Variants in BTBD9 observed in about 807,000 individuals in gnomAD.
BTBD9 encodes the protein BTB/POZ domain-containing protein 9.
Under a neutral mutation model 64.3 loss-of-function variants are expected in BTBD9, and 49 were observed. That is an observed-to-expected ratio of 0.76 (90% CI 0.61 to 0.97). The LOEUF (loss-of-function observed/expected upper bound fraction) is 0.97. BTBD9 is among the 50% of genes least tolerant of loss of function. The pLI, the probability that BTBD9 is intolerant of heterozygous loss-of-function variation, is 0.00. For synonymous variants in BTBD9, 260 were observed against 274.7 expected (o/e 0.95, Z 0.53); for missense variants, 598 against 762.1 (o/e 0.78, Z 2.53).
intron 7 of BTBD9, among the ~76,000 whole-genome samples, chr6:38,302,997 T>C (rs963362560): frequency 6.6e-6 from 1 of 152,200 alleles, no homozygotes; most frequent in African/African-American, 2.4e-5. Context: ...ATTATTTATT[T>C]ATTTTGCCGT....
At chr6:38,561,414 T>C (rs1775258334) in intron 6 of BTBD9, among the ~76,000 whole-genome samples, 1 of 152,168 alleles carries the variant, frequency 6.6e-6, no homozygotes, top group Non-Finnish European at 1.5e-5. Context: ...AACTTAGAAC[T>C]ACCATTCAAT....
intron 6 of BTBD9, among the ~76,000 whole-genome samples, chr6:38,471,954 C>G (rs2127368631): frequency 6.6e-6 from 1 of 152,260 alleles, no homozygotes; most frequent in East Asian, 1.9e-4. Flanking sequence ...TTTCAGGCCT[C>G]TATAAGCCAG....
intron 6 of BTBD9, among the ~76,000 whole-genome samples, chr6:38,551,553 G>C (rs1179725641): frequency 6.6e-6 from 1 of 152,140 alleles, no homozygotes; most frequent in Non-Finnish European, 1.5e-5. Flanking sequence ...AGCCACTATT[G>C]TTATTTCCAT....
intron 8 of BTBD9, among the ~76,000 whole-genome samples, chr6:38,268,310 C>T (rs1765084438): frequency 6.6e-6 from 1 of 152,170 alleles, no homozygotes; most frequent in Admixed American, 6.5e-5. Flanking sequence ...GAAGCAGCGC[C>T]AAAGAGAAAT....
chr6:38,357,894 T>C (rs1250035451), intron 6 of BTBD9, among the ~76,000 whole-genome samples: 1 of 152,204 alleles, frequency 6.6e-6, no homozygotes, highest in African/African-American at 2.4e-5. Flanking sequence ...TACTTAGCTA[T>C]TTTATCTTCT....
chr6:38,458,405 C>T (rs1484392199), intron 6 of BTBD9, among the ~76,000 whole-genome samples: 2 of 152,210 alleles, frequency 1.3e-5, no homozygotes, highest in Admixed American at 1.3e-4. Context: ...CCCTGCACTG[C>T]TGCCCTACAT....
intron 6 of BTBD9, among the ~76,000 whole-genome samples, chr6:38,556,771 C>G (rs909591111): frequency 1.1e-4 from 17 of 151,522 alleles, no homozygotes; most frequent in Non-Finnish European, 2.5e-4. Flanking sequence ...AATCCCAGCA[C>G]TTTAGGAGGC....
chr6:38,394,474 G>A (rs182672615), intron 6 of BTBD9, among the ~76,000 whole-genome samples: 14 of 152,322 alleles, frequency 9.2e-5, no homozygotes, highest in South Asian at 2.1e-4. Context: ...CCAGAGACAA[G>A]TCAGGGCATG....
intron 7 of BTBD9, among the ~76,000 whole-genome samples, chr6:38,320,086 C>T (rs1763173424): frequency 1.3e-5 from 2 of 152,314 alleles, no homozygotes; most frequent in South Asian, 4.1e-4. Flanking sequence ...GCCCCACAAT[C>T]GCAGCACTCT....
At chr6:38,189,973 C>CTT (rs55886750) in intron 10 of BTBD9, among the ~76,000 whole-genome samples, 7,504 of 135,448 alleles carry the variant, frequency 0.055, 243 homozygotes, top group Middle Eastern at 0.081. Context: ...CAGGCCCAGC[C>CTT]TTTTTTTTTT....
chr6:38,299,743 G>C (rs1268851031), intron 7 of BTBD9, among the ~76,000 whole-genome samples: 1 of 152,168 alleles, frequency 6.6e-6, no homozygotes, highest in Non-Finnish European at 1.5e-5. Context: ...GTTCATTGTA[G>C]ATTCTGGATA....
intron 6 of BTBD9, among the ~76,000 whole-genome samples, chr6:38,399,516 T>C (rs1766832833): frequency 6.6e-6 from 1 of 152,156 alleles, no homozygotes; most frequent in Admixed American, 6.5e-5. Context: ...AATAAATAAT[T>C]TAAATTCCCT....
chr6:38,311,755 CTTT>C (rs2127571100), intron 7 of BTBD9, among the ~76,000 whole-genome samples: 1 of 152,280 alleles, frequency 6.6e-6, no homozygotes, highest in African/African-American at 2.4e-5. Context: ...TATTGTCTGT[CTTT>C]TGGATAAAAG....
intron 6 of BTBD9, among the ~76,000 whole-genome samples, chr6:38,561,408 T>C (rs537841567): frequency 1.1e-4 from 16 of 151,908 alleles, no homozygotes; most frequent in Middle Eastern, 3.4e-3. Context: ...TCAAAGAACT[T>C]AGAACTACCA....
chr6:38,443,437 G>T (rs1562194779), intron 6 of BTBD9, among the ~76,000 whole-genome samples: 2 of 152,030 alleles, frequency 1.3e-5, no homozygotes, highest in Non-Finnish European at 2.9e-5. Flanking sequence ...TGCATGCCCT[G>T]CCCCTGTCTC....
At chr6:38,580,686 A>G (rs946101965) in intron 4 of BTBD9, among the ~76,000 whole-genome samples, 1 of 151,854 alleles carries the variant, frequency 6.6e-6, no homozygotes, top group Admixed American at 6.6e-5. Flanking sequence ...ACTTGAGCCC[A>G]GGAGTTTGAG....
At chr6:38,544,643 T>C (rs1774444596) in intron 6 of BTBD9, among the ~76,000 whole-genome samples, 1 of 151,802 alleles carries the variant, frequency 6.6e-6, no homozygotes, top group Non-Finnish European at 1.5e-5. Context: ...GATGAGGGTG[T>C]GGGCCAGGCT....
In BTBD9 at chr6:38,220,210, C is replaced by A. The variant is rs534989854; in HGVS notation, c.1563-27613G>T. ...GTGCCCTCTCAGGGCACGGCCCCAC[C>A]TTCCTCAGCACTGTGGGTCTGCAAT... On this transcript the variant is annotated intron_variant, in intron 9 of 10. Transcript: ENST00000481247. Among the ~76,000 whole-genome samples, 4 of 152,328 alleles carry A rather than the reference C, an allele frequency of 2.6e-5. No homozygotes were observed. The South Asian group carries it at 8.3e-4, about 32-fold the overall frequency.
chr6:38,479,683 A>G (rs1771044215), intron 6 of BTBD9, among the ~76,000 whole-genome samples: 1 of 152,200 alleles, frequency 6.6e-6, no homozygotes, highest in Non-Finnish European at 1.5e-5. Flanking sequence ...CTTTCACTTC[A>G]GAATCCAAGC....
Sources: gnomAD v4.1 joint callset for allele counts (sites outside exome capture counted in the v4.1 genomes callset) on GRCh38, gnomAD v4.1.1 for gene constraint, MANE v1.5 for transcripts, NCBI Gene and HGNC (gene_info 2026-07-23, HGNC 2026-07-21) for gene names.